The following THSD4 variants were observed in gnomAD, a reference collection of about 807,000 sequenced individuals.
THSD4 encodes the protein thrombospondin type-1 domain-containing protein 4.
Under a neutral mutation model 119.0 loss-of-function variants are expected in THSD4, and 69 were observed. The ratio of observed to expected loss-of-function variants is 0.58; its 90% CI spans 0.48 to 0.71. The LOEUF (loss-of-function observed/expected upper bound fraction) is 0.71, where lower values mean the gene tolerates loss of function less well. THSD4 is among the 30% of genes least tolerant of loss of function. The pLI is 0.00. For synonymous variants in THSD4, 524 were observed against 540.4 expected (o/e 0.97, Z 0.42); for missense variants, 1,393 against 1,391.1 (o/e 1.00, Z -0.02).
chr15:71,594,206 G>C (rs927053723), intron 7 of THSD4, among the ~76,000 whole-genome samples: 2 of 151,334 alleles, frequency 1.3e-5, no homozygotes, highest in Middle Eastern at 3.5e-3. Context: ...AAGCCTGGAT[G>C]AATCCTTTTT....
intron 8 of THSD4, among the ~76,000 whole-genome samples, chr15:71,706,649 A>G (rs557994999): frequency 2.0e-5 from 3 of 152,300 alleles, no homozygotes; most frequent in Non-Finnish European, 4.4e-5. Flanking sequence ...AGGTTGGAGA[A>G]TGCAATGCCC....
chr15:71,404,079 T>G (rs2046574128), intron 6 of THSD4, among the ~76,000 whole-genome samples: 1 of 152,234 alleles, frequency 6.6e-6, no homozygotes, highest in Non-Finnish European at 1.5e-5. Context: ...CTTCTTTTCC[T>G]TTTTGTAAAA....
At chr15:71,726,487 A>G (rs1016429946) in intron 8 of THSD4, among the ~76,000 whole-genome samples, 2 of 152,258 alleles carry the variant, frequency 1.3e-5, no homozygotes, top group Non-Finnish European at 2.9e-5. Flanking sequence ...AAGCTGAGCA[A>G]TGGGTACATG....
chr15:71,702,676 A>G (rs1216063612), intron 8 of THSD4, among the ~76,000 whole-genome samples: 3 of 152,146 alleles, frequency 2.0e-5, no homozygotes, highest in African/African-American at 7.2e-5. Flanking sequence ...CTTCATACCA[A>G]GTTCTTCTGA....
chr15:71,446,453 T>C (rs2047182348), intron 7 of THSD4, among the ~76,000 whole-genome samples: 1 of 152,254 alleles, frequency 6.6e-6, no homozygotes, highest in Admixed American at 6.5e-5. Flanking sequence ...TTTATCACAC[T>C]ACTATCTTAC....
chr15:71,759,540 A>AT (rs2053597443), intron 15 of THSD4, among the ~76,000 whole-genome samples: 1 of 152,140 alleles, frequency 6.6e-6, no homozygotes, highest in Non-Finnish European at 1.5e-5. Flanking sequence ...CTCTATGTTT[A>AT]TTTTTTCTGC....
At chr15:71,344,443 G>A (rs1279410709) in intron 6 of THSD4, among the ~76,000 whole-genome samples, 1 of 152,218 alleles carries the variant, frequency 6.6e-6, no homozygotes, top group East Asian at 1.9e-4. Context: ...GGAGAAGGGA[G>A]GGCACCATTC....
At chr15:71,488,315 T>A (rs962979285) in intron 7 of THSD4, among the ~76,000 whole-genome samples, 1 of 152,234 alleles carries the variant, frequency 6.6e-6, no homozygotes, top group Non-Finnish European at 1.5e-5. Flanking sequence ...TTAGGATGCA[T>A]CGTTCTTCTA....
At chr15:71,155,652 T>G (rs1320527555) in intron 3 of THSD4, among the ~76,000 whole-genome samples, 1 of 152,152 alleles carries the variant, frequency 6.6e-6, no homozygotes, top group Non-Finnish European at 1.5e-5. Flanking sequence ...GAGACCAGTA[T>G]GGAGCTTTTA....
rs571587919 is a variant in THSD4, at chr15:71,426,029, C to G, written c.1152+14206C>G. Among the ~76,000 whole-genome samples, 113 of 152,254 alleles carry G rather than the reference C, an allele frequency of 7.4e-4. 3 individuals carry two copies. The South Asian group carries it at 0.022, about 30-fold the overall frequency. On this transcript the variant is annotated intron_variant, in intron 7 of 17. Coordinates refer to ENST00000261862, the MANE Select transcript of THSD4 (RefSeq NM_024817.3). The stretch of plus-strand genomic sequence containing the variant: ...ACCTAAGAAAGTGTGAGTGCATGCT[C>G]CCATGGTGCCTTCTGGTGAAGGGAA...
At chr15:71,757,766 C>T (rs148068451) in intron 14 of THSD4, 136 bp from the exon 15 acceptor site, 19 of 1,116,974 alleles carry the variant, frequency 1.7e-5, no homozygotes, top group Admixed American at 1.7e-4. Flanking sequence ...AGGCTATGCA[C>T]GAGAAGCTGC....
intron 1 of THSD4, among the ~76,000 whole-genome samples, chr15:71,120,324 G>A (rs1671838877): frequency 1.3e-5 from 2 of 152,242 alleles, no homozygotes; most frequent in Non-Finnish European, 1.5e-5. Context: ...TCTTGGGAAA[G>A]TGGTCTCTTT....
chr15:71,475,929 TA>T (rs929274609), intron 7 of THSD4, among the ~76,000 whole-genome samples: 39 of 150,524 alleles, frequency 2.6e-4, no homozygotes, highest in African/African-American at 6.1e-4. Flanking sequence ...CCCTGTCTAT[TA>T]AAAAAAAAAT....
At chr15:71,587,871 TAGAG>T (rs2049712268) in intron 7 of THSD4, among the ~76,000 whole-genome samples, 2 of 146,536 alleles carry the variant, frequency 1.4e-5, no homozygotes, top group South Asian at 2.1e-4. Flanking sequence ...AAATGGCAGA[TAGAG>T]AGGTTAAAAC....
intron 7 of THSD4, among the ~76,000 whole-genome samples, chr15:71,461,129 T>G (rs1407549370): frequency 6.6e-6 from 1 of 152,170 alleles, no homozygotes; most frequent in Non-Finnish European, 1.5e-5. Flanking sequence ...GTTGTCAAGA[T>G]GTTAGTTGGG....
chr15:71,285,416 C>T (rs2044702754), intron 6 of THSD4, among the ~76,000 whole-genome samples: 1 of 152,190 alleles, frequency 6.6e-6, no homozygotes, highest in Non-Finnish European at 1.5e-5. Context: ...TTTGTGTCTA[C>T]ATGACAGGGC....
intron 6 of THSD4, among the ~76,000 whole-genome samples, chr15:71,328,245 T>A (rs1158873628): frequency 6.6e-6 from 1 of 152,242 alleles, no homozygotes; most frequent in Admixed American, 6.5e-5. Context: ...TGAATGATAG[T>A]GGCCACTTGG....
At chr15:71,528,677 C>T (rs1170297337) in intron 7 of THSD4, among the ~76,000 whole-genome samples, 2 of 152,206 alleles carry the variant, frequency 1.3e-5, no homozygotes, top group East Asian at 1.9e-4. Flanking sequence ...TCACTGGCTA[C>T]CTTTTGTTAC....
intron 7 of THSD4, among the ~76,000 whole-genome samples, chr15:71,641,297 G>T (rs184217867): frequency 2.1e-3 from 316 of 152,002 alleles, no homozygotes; most frequent in Non-Finnish European, 3.5e-3. Flanking sequence ...CCAGTCCAAT[G>T]TCTTGGGACC....
Sources: gnomAD v4.1 joint callset for allele counts (sites outside exome capture counted in the v4.1 genomes callset) on GRCh38, gnomAD v4.1.1 for gene constraint, MANE v1.5 for transcripts, NCBI Gene and HGNC (gene_info 2026-07-23, HGNC 2026-07-21) for gene names.